The following DNAH6 variants were observed in gnomAD, a reference collection of about 807,000 sequenced individuals.
The protein encoded by DNAH6 is axonemal beta dynein heavy chain 6.
In DNAH6, 340 loss-of-function variants were observed where a neutral mutation model predicts 491.4. The observed-to-expected ratio is 0.69, with a 90% CI of 0.63 to 0.76. The LOEUF (loss-of-function observed/expected upper bound fraction) is 0.76. Ranked by LOEUF, DNAH6 falls within the 30% of genes least tolerant of loss-of-function variation. The probability of loss-of-function intolerance (pLI) is 0.00; values close to 1 mark genes in which losing one functional copy is unlikely to be tolerated. For missense variants in DNAH6, 4,443 were observed against 4,972.2 expected (o/e 0.89, Z 3.20); for synonymous variants, 1,603 against 1,686.1 (o/e 0.95, Z 1.21).
At chr2:84,614,580 C>A (rs538321473) in intron 22 of DNAH6, among the ~76,000 whole-genome samples, 5 of 152,178 alleles carry the variant, frequency 3.3e-5, no homozygotes, top group Admixed American at 3.3e-4. Flanking sequence ...AATGGTAGAT[C>A]AATTTTTTAG....
chr2:84,787,394 C>T (rs1392778958), intron 68 of DNAH6, 92 bp downstream of exon 68: 1 of 974,702 alleles, frequency 1.0e-6, no homozygotes, highest in East Asian at 2.9e-5. Flanking sequence ...GGTGTCCTCC[C>T]CCAGTGTTTA....
chr2:84,538,035 G>A (rs1677865573), intron 4 of DNAH6, among the ~76,000 whole-genome samples: 1 of 152,070 alleles, frequency 6.6e-6, no homozygotes, highest in African/African-American at 2.4e-5. Context: ...AAGGTAGGTA[G>A]GATTGATATA....
At chr2:84,687,148 CTG>C (rs1394005860) in intron 44 of DNAH6, among the ~76,000 whole-genome samples, 1 of 152,156 alleles carries the variant, frequency 6.6e-6, no homozygotes, top group Non-Finnish European at 1.5e-5. Flanking sequence ...GCAATACTCT[CTG>C]TCTAATTTTT....
At chr2:84,746,855 A>G (rs1182238152) in intron 63 of DNAH6, among the ~76,000 whole-genome samples, 1 of 152,200 alleles carries the variant, frequency 6.6e-6, no homozygotes, top group Admixed American at 6.5e-5. Flanking sequence ...ATATGGTGAA[A>G]GGCAAAGGGG....
At position 84,550,057 on chromosome 2, in the gene DNAH6, G is replaced by A; in HGVS notation, c.1485G>A (p.Lys495=). ...TEEKPEVPDK[K]GTLMVEKQEE... The stretch of plus-strand genomic sequence containing the variant: ...AGAAGCCTGAAGTCCCTGATAAAAA[G>A]GTATACTCACACAAAATTAAGAATA... The change falls in exon 9 of 77, where the codon AAG becomes AAA. Residue 495 remains lysine, a splice_region_variant and synonymous_variant. Transcript: ENST00000389394. 1 of 1,608,124 alleles carries A rather than the reference G, an allele frequency of 6.2e-7. No individual in the cohort carries two copies. The highest frequency in any genetic ancestry group is 8.5e-7 in the Non-Finnish European group (1 of 1,176,494).
chr2:84,589,042 C>A, intron 16 of DNAH6, 88 bp downstream of exon 16: 2 of 1,217,716 alleles, frequency 1.6e-6, no homozygotes, highest in Non-Finnish European at 2.2e-6. Context: ...TAACTGTAAA[C>A]ATTCAATATT....
chr2:84,621,334 G>A lies in DNAH6; in HGVS notation c.3936G>A (p.Val1312=). The stretch of plus-strand genomic sequence containing the variant: ...AGGGGAAACTGAGGACAGACTGGGT[G>A]GTTGCTGGCCACCCTTCTCAAGTAA... ...DYQGKLRTDW[V]VAGHPSQVIL... Residue 1312 remains valine (V), a synonymous_variant, in exon 25 of 77, where the codon GTG becomes GTA. Coordinates refer to ENST00000389394, the MANE Select transcript of DNAH6 (RefSeq NM_001370.2). The A allele has an allele frequency of 6.4e-7, 1 of 1,551,544 alleles. No individual in the cohort carries two copies. Among genetic ancestry groups the A allele is most frequent in the Non-Finnish European group, 8.7e-7 (1 of 1,146,872 alleles).
intron 55 of DNAH6, 114 bp downstream of exon 55, chr2:84,709,660 T>C: frequency 1.7e-6 from 2 of 1,173,958 alleles, no homozygotes; most frequent in Non-Finnish European, 2.4e-6. Context: ...TTAACATACA[T>C]GGAGATTTAG....
intron 21 of DNAH6, among the ~76,000 whole-genome samples, chr2:84,608,983 C>A (rs2104320086): frequency 6.6e-6 from 1 of 152,336 alleles, no homozygotes; most frequent in South Asian, 2.1e-4. Flanking sequence ...CTTGCTACTT[C>A]ACCTTGCCCT....
At chr2:84,676,935 C>G in intron 40 of DNAH6, 70 bp from the exon 41 acceptor site, 1 of 1,518,816 alleles carries the variant, frequency 6.6e-7, no homozygotes, top group Non-Finnish European at 8.9e-7. Flanking sequence ...TTGGGAAGTC[C>G]TACCATTAGG....
intron 67 of DNAH6, among the ~76,000 whole-genome samples, chr2:84,786,101 A>AGAAAGAAT (rs1553498926): frequency 0.033 from 4,896 of 150,328 alleles, 100 homozygotes; most frequent in South Asian, 0.045. Flanking sequence ...AGAGAAAGAA[A>AGAAAGAAT]GAATGAATGA....
intron 63 of DNAH6, among the ~76,000 whole-genome samples, chr2:84,748,440 A>T (rs1414650358): frequency 6.6e-6 from 1 of 152,226 alleles, no homozygotes; most frequent in African/African-American, 2.4e-5. Flanking sequence ...CATCACTCTT[A>T]AATTCAACCT....
chr2:84,512,860 C>A (rs1318362783), upstream of DNAH6, among the ~76,000 whole-genome samples: 1 of 152,042 alleles, frequency 6.6e-6, no homozygotes, highest in Non-Finnish European at 1.5e-5. Context: ...TTATTTTAAC[C>A]TATCCTGTTT....
Position 84,621,574 on chromosome 2 carries a change from A to G in DNAH6, c.4071+23A>G, listed in dbSNP as rs1402119639. ...GAGGTGAGATCTGTAACAAAGTGAC[A>G]TTGTTGTCCTGCAAGATGGTCTTGG... On this transcript the variant is annotated intron_variant, in intron 26 of 76. Coordinates refer to ENST00000389394, the MANE Select transcript of DNAH6 (RefSeq NM_001370.2). The G allele has an allele frequency of 3.5e-6, 5 of 1,415,754 alleles. No homozygotes were observed. The East Asian group carries it at 7.6e-5, about 22-fold the overall frequency. The allele number at this position is 1,415,754 out of a possible 1,614,324, so 87.7% of individuals were successfully genotyped here.
chr2:84,733,588 A>T lies in DNAH6; in HGVS notation c.10342+9A>T. 1 of 1,550,270 alleles carries T rather than the reference A, an allele frequency of 6.5e-7. No homozygotes were observed. ...TATTTCCATACGCTTAGGTAATGTG[A>T]CAAAAAGAACCTGCTGAGGAGGCTT... On this transcript the variant is annotated intron_variant, in intron 62 of 76. Coordinates refer to ENST00000389394, the MANE Select transcript of DNAH6 (RefSeq NM_001370.2).
chr2:84,736,506 A>G (rs1211194391), intron 62 of DNAH6, among the ~76,000 whole-genome samples: 1 of 151,828 alleles, frequency 6.6e-6, no homozygotes, highest in African/African-American at 2.4e-5. Context: ...TGTTTGTTTC[A>G]TCCTTTCTTT....
At chr2:84,801,368 C>G (rs563461815) in intron 70 of DNAH6, among the ~76,000 whole-genome samples, 1 of 151,406 alleles carries the variant, frequency 6.6e-6, no homozygotes, top group East Asian at 1.9e-4. Flanking sequence ...CATGCAGATA[C>G]AAGAAATCCA....
chr2:84,542,514 GC>G (rs1273763548), intron 4 of DNAH6, among the ~76,000 whole-genome samples: 3 of 152,102 alleles, frequency 2.0e-5, no homozygotes, highest in African/African-American at 7.2e-5. Context: ...GCAGGTTGAA[GC>G]TTTTCCATGG....
At chr2:84,490,654 C>T in the DNAH6 span, among the ~76,000 whole-genome samples, 5 of 152,132 alleles carry the variant, frequency 3.3e-5, no homozygotes, top group East Asian at 3.8e-4. Flanking sequence ...CTCCACCTCC[C>T]GGGTTCAAGC....
Sources: gnomAD v4.1 joint callset for allele counts (sites outside exome capture counted in the v4.1 genomes callset) on GRCh38, gnomAD v4.1.1 for gene constraint, MANE v1.5 for transcripts, NCBI Gene and HGNC (gene_info 2026-07-23, HGNC 2026-07-21) for gene names.